The following GABRA4 variants were observed in gnomAD, a reference collection of about 807,000 sequenced individuals.
GABRA4 encodes gamma-aminobutyric acid receptor subunit alpha-4.
Under a neutral mutation model 49.7 loss-of-function variants are expected in GABRA4, and 12 were observed. That is an observed-to-expected ratio of 0.24 (90% CI 0.15 to 0.39). The LOEUF (loss-of-function observed/expected upper bound fraction) is 0.39, where lower values mean the gene tolerates loss of function less well. GABRA4 is among the 10% of genes least tolerant of loss of function. GABRA4 has a pLI of 1.00. For missense variants in GABRA4, 506 were observed against 686.0 expected (o/e 0.74, Z 2.93); for synonymous variants, 288 against 240.2 (o/e 1.20, Z -1.84).
intron 8 of GABRA4, among the ~76,000 whole-genome samples, chr4:46,932,872 G>A (rs1219606482): frequency 2.6e-5 from 4 of 152,040 alleles, no homozygotes; most frequent in African/African-American, 9.7e-5. Context: ...AACCAATCTT[G>A]GAGACCTGTC....
chr4:46,935,409 A>T (rs1721572190), intron 8 of GABRA4, among the ~76,000 whole-genome samples: 1 of 152,224 alleles, frequency 6.6e-6, no homozygotes, highest in South Asian at 2.1e-4. Context: ...GATTCAAACG[A>T]ATATTACATA....
rs773039437 is a variant in GABRA4 at position 46,964,368 on chromosome 4, A to T, written c.1134+602T>A. ...TTTGATAGCACAACAGAGCAACTAT[A>T]GCCAATAATAACTTAATTTTACATT... On this transcript the variant is annotated intron_variant, in intron 8 of 8. Coordinates refer to ENST00000264318, the MANE Select transcript of GABRA4 (RefSeq NM_000809.4). Among the ~76,000 whole-genome samples, 74 of 151,862 alleles carry T rather than the reference A, an allele frequency of 4.9e-4. 3 individuals are homozygous for T. The highest frequency in any genetic ancestry group is 1.3e-4 in the Non-Finnish European group (9 of 67,880).
At position 46,928,043 on chromosome 4, in the gene GABRA4, A is replaced by G. The variant is rs1721292586; in HGVS notation, c.*182T>C. 3 of 544,474 alleles carry G rather than the reference A, an allele frequency of 5.5e-6. No homozygotes were observed. The highest frequency in any genetic ancestry group is 9.3e-6 in the Non-Finnish European group (3 of 323,952). 33.7% of individuals were successfully genotyped at this position (544,474 alleles called of 1,614,324 possible). On this transcript the variant is annotated 3_prime_UTR_variant, in exon 9 of 9. Coordinates refer to ENST00000264318, the MANE Select transcript of GABRA4 (RefSeq NM_000809.4). The stretch of plus-strand genomic sequence containing the variant: ...CTTTTAAAATAATTTTTCTGAAAAA[A>G]AACATAGTTCACTTTTTCACTCAGG...
At chr4:46,959,833 T>C (rs1407990818) in intron 8 of GABRA4, among the ~76,000 whole-genome samples, 1 of 136,120 alleles carries the variant, frequency 7.3e-6, no homozygotes, top group Non-Finnish European at 1.6e-5. Flanking sequence ...TATATATATA[T>C]ATGTGTGTGT....
chr4:46,979,244 CA>C, intron 2 of GABRA4, 146 bp from the exon 3 acceptor site: 4 of 599,616 alleles, frequency 6.7e-6, no homozygotes, highest in Non-Finnish European at 1.2e-5. Context: ...TGAATCTCTA[CA>C]AAACAAATGT....
chr4:46,959,671 C>T (rs140689888), intron 8 of GABRA4, among the ~76,000 whole-genome samples: 252 of 140,352 alleles, frequency 1.8e-3, no homozygotes, highest in African/African-American at 6.2e-3. Context: ...GGAAATTCAG[C>T]AGAATGGTTT....
intron 2 of GABRA4, among the ~76,000 whole-genome samples, chr4:46,981,625 T>C (rs1723359884): frequency 6.6e-6 from 1 of 152,056 alleles, no homozygotes; most frequent in African/African-American, 2.4e-5. Context: ...GCTACATTGG[T>C]AAACAAGACT....
At chr4:46,930,266 A>G (rs1721383298) in intron 8 of GABRA4, among the ~76,000 whole-genome samples, 1 of 152,026 alleles carries the variant, frequency 6.6e-6, no homozygotes, top group African/African-American at 2.4e-5. Context: ...ATTGACATCA[A>G]CCTGAAAGCT....
intron 2 of GABRA4, among the ~76,000 whole-genome samples, chr4:46,983,082 A>G (rs1191113617): frequency 6.6e-6 from 1 of 152,084 alleles, no homozygotes; most frequent in African/African-American, 2.4e-5. Context: ...TGAGAATGTT[A>G]TGGATCTGGA....
intron 8 of GABRA4, among the ~76,000 whole-genome samples, chr4:46,961,283 G>C (rs1722564085): frequency 6.6e-6 from 1 of 151,836 alleles, no homozygotes; most frequent in East Asian, 1.9e-4. Context: ...TCCCTGCCAG[G>C]GTGAATGCCT....
In GABRA4 at chr4:46,943,173, G is replaced by A. The variant is rs185542604; in HGVS notation, c.1135-14418C>T. 1.7e-3 allele frequency among the ~76,000 whole-genome samples: 266 copies of A among 152,112 alleles called. 3 individuals carry two copies. Among genetic ancestry groups the A allele is most frequent in the African/African-American group, 6.1e-3 (254 of 41,512 alleles). ...AGTCTAATAGAGGTACGAATTTATT[G>A]CTATCTAATAAACTTGATATATTTG... On this transcript the variant is annotated intron_variant, in intron 8 of 8. Transcript: ENST00000264318.
chr4:46,951,133 G>A (rs747781985), intron 8 of GABRA4, among the ~76,000 whole-genome samples: 4 of 151,964 alleles, frequency 2.6e-5, no homozygotes, highest in Non-Finnish European at 5.9e-5. Flanking sequence ...AAATTAGGTC[G>A]TTTGTGGTTA....
At chr4:46,975,819 A>G (rs1455895420) in intron 5 of GABRA4, among the ~76,000 whole-genome samples, 3 of 151,926 alleles carry the variant, frequency 2.0e-5, no homozygotes, top group East Asian at 1.9e-4. Context: ...TCTGGCCCCA[A>G]TGAGATCACC....
intron 8 of GABRA4, among the ~76,000 whole-genome samples, chr4:46,933,611 C>A (rs1488302861): frequency 1.3e-5 from 2 of 152,108 alleles, no homozygotes; most frequent in East Asian, 3.9e-4. Flanking sequence ...TGATGACAGA[C>A]CACAAAAGGA....
chr4:46,931,461 G>A (rs1721434349), intron 8 of GABRA4, among the ~76,000 whole-genome samples: 2 of 152,050 alleles, frequency 1.3e-5, no homozygotes, highest in Non-Finnish European at 2.9e-5. Context: ...GTATGCTTCT[G>A]GAATGTCCTG....
chr4:46,929,674 T>C (rs1721359733), intron 8 of GABRA4, among the ~76,000 whole-genome samples: 1 of 152,124 alleles, frequency 6.6e-6, no homozygotes, highest in Admixed American at 6.6e-5. Flanking sequence ...ATTTCTCAGA[T>C]GTTCCCTGAA....
At chr4:46,931,061 A>G (rs762019665) in intron 8 of GABRA4, among the ~76,000 whole-genome samples, 1 of 152,054 alleles carries the variant, frequency 6.6e-6, no homozygotes, top group African/African-American at 2.4e-5. Context: ...TAAGAATGCT[A>G]AACAAAGAGA....
At chr4:46,958,262 T>A (rs773930915) in intron 8 of GABRA4, among the ~76,000 whole-genome samples, 2 of 151,920 alleles carry the variant, frequency 1.3e-5, no homozygotes, top group Non-Finnish European at 2.9e-5. Context: ...TATTGTGAGC[T>A]TGAAATTGAG....
At chr4:46,965,992 C>T (rs146614167) in intron 7 of GABRA4, among the ~76,000 whole-genome samples, 2 of 151,852 alleles carry the variant, frequency 1.3e-5, no homozygotes, top group East Asian at 3.9e-4. Context: ...TCTCCTCCAT[C>T]AATAGGCTTC....
Sources: gnomAD v4.1 joint callset for allele counts (sites outside exome capture counted in the v4.1 genomes callset) on GRCh38, gnomAD v4.1.1 for gene constraint, MANE v1.5 for transcripts, NCBI Gene and HGNC (gene_info 2026-07-23, HGNC 2026-07-21) for gene names.